DGKD: variants seen among roughly 807,000 people sequenced by gnomAD.
DGKD encodes DAG kinase delta.
In DGKD, 68 loss-of-function variants were observed where a neutral mutation model predicts 154.4. That is an observed-to-expected ratio of 0.44 (90% CI 0.36 to 0.54). The LOEUF (loss-of-function observed/expected upper bound fraction) is 0.54. Ranked by LOEUF, DGKD falls within the 20% of genes least tolerant of loss-of-function variation. DGKD has a pLI of 0.00. For missense variants in DGKD, 1,343 were observed against 1,593.6 expected (o/e 0.84, Z 2.68); for synonymous variants, 693 against 638.0 (o/e 1.09, Z -1.30).
At chr2:233,410,487 T>C (rs2061800647) in intron 3 of DGKD, among the ~76,000 whole-genome samples, 1 of 152,212 alleles carries the variant, frequency 6.6e-6, no homozygotes, top group Non-Finnish European at 1.5e-5. Flanking sequence ...CTTGGGGTGA[T>C]ATCTAATCAC....
rs1162984837 is a variant in DGKD at position 233,441,041 on chromosome 2, A to C, written c.1086-846A>C. Among the ~76,000 whole-genome samples, 1 of 152,052 alleles carries C rather than the reference A, an allele frequency of 6.6e-6. No homozygotes were observed. Among genetic ancestry groups the C allele is most frequent in the African/African-American group, 2.4e-5 (1 of 41,392 alleles). ...TGTTGGATGTGCCCTGGGATACCAGAGTGGTGTGTTCTGGAGGACAGGTGC... is the reference window on the plus strand; with the variant it reads ...TGTTGGATGTGCCCTGGGATACCAGCGTGGTGTGTTCTGGAGGACAGGTGC... On this transcript the variant is annotated intron_variant, in intron 9 of 29. Transcript: ENST00000264057. This position sits in a 1 kb window ranked among gnomAD's most constrained non-coding sequence, Gnocchi z 5.6.
At chr2:233,419,386 G>A in intron 3 of DGKD, 1 of 985,560 alleles carries the variant, frequency 1.0e-6, no homozygotes, top group Non-Finnish European at 1.2e-6. Context: ...TACACGTGGA[G>A]CAGCTGGAAA....
chr2:233,414,413 C>T (rs2125524067), intron 3 of DGKD, among the ~76,000 whole-genome samples: 1 of 152,332 alleles, frequency 6.6e-6, no homozygotes, highest in Admixed American at 6.5e-5. Flanking sequence ...CCTGTAGTCT[C>T]TCCTGTTAAG....
intron 3 of DGKD, among the ~76,000 whole-genome samples, chr2:233,427,148 A>G (rs1165439948): frequency 6.6e-6 from 1 of 151,962 alleles, no homozygotes; most frequent in Non-Finnish European, 1.5e-5. Context: ...CCTCTGTGAC[A>G]TCACGTTTCT....
chr2:233,361,765 G>A (rs527893877), intron 1 of DGKD, among the ~76,000 whole-genome samples: 1 of 152,288 alleles, frequency 6.6e-6, no homozygotes, highest in Admixed American at 6.5e-5. Context: ...GGCCAACATG[G>A]CAAGATCCCG....
At chr2:233,466,987 C>T in intron 27 of DGKD, 99 bp from the exon 28 acceptor site, 1 of 930,124 alleles carries the variant, frequency 1.1e-6, no homozygotes, top group South Asian at 1.4e-5. Context: ...TCCCGCTCAT[C>T]TCAGCCCTGC....
chr2:233,354,638 C>A lies in DGKD; in HGVS notation c.120C>A (p.Ile40=). The change falls in exon 1 of 30, where the codon ATC becomes ATA. Residue 40 remains isoleucine (I), a synonymous_variant. Transcript: ENST00000264057. The surrounding 1 kb of genome is among the most constrained non-coding windows in gnomAD (Gnocchi z 4.8). ...AGCCCGGCTCCCCACAGAAGCTCAT[C>A]CGCAAGGTGTCCACGTCGGGTCAGA... is the stretch of plus-strand genomic sequence containing the variant. ...EAEPGSPQKL[I]RKVSTSGQIR... 2 of 1,113,248 alleles carry A rather than the reference C, an allele frequency of 1.8e-6. No individual in the cohort carries two copies. The highest frequency in any genetic ancestry group is 2.1e-5 in the South Asian group (1 of 47,856). 69.0% of individuals were successfully genotyped at this position (1,113,248 alleles called of 1,614,324 possible). A position where few individuals can be genotyped will look rare whatever the true frequency, so the allele number is the denominator to read the frequency against.
intron 1 of DGKD, among the ~76,000 whole-genome samples, chr2:233,382,791 C>T (rs1702966530): frequency 6.6e-6 from 1 of 152,170 alleles, no homozygotes; most frequent in Non-Finnish European, 1.5e-5. Flanking sequence ...ATTTTACATG[C>T]AGAATAATAC....
At chr2:233,434,575 A>G in intron 4 of DGKD, 91 bp downstream of exon 4, 1 of 1,442,472 alleles carries the variant, frequency 6.9e-7, no homozygotes, top group Non-Finnish European at 9.7e-7. Context: ...GTGCGGACCC[A>G]CAGTCTGGAG....
chr2:233,411,316 T>C (rs1010902031), intron 3 of DGKD, among the ~76,000 whole-genome samples: 1 of 152,232 alleles, frequency 6.6e-6, no homozygotes, highest in Non-Finnish European at 1.5e-5. Flanking sequence ...CAGCAGTGTA[T>C]AGAGAGTTCC....
In DGKD at chr2:233,458,195, C is replaced by A; in HGVS notation, c.2581-89C>A. The A allele has an allele frequency of 1.3e-6, 1 of 783,846 alleles. No homozygotes were observed. The highest frequency in any genetic ancestry group is 2.1e-6 in the Non-Finnish European group (1 of 473,988). 48.6% of individuals were successfully genotyped at this position (783,846 alleles called of 1,614,324 possible). ...GTAACTTCTCGCCAGCTAGGAGGGGCTGACCCCCAGAGGGAGGGAGTGAGG... is the reference window on the plus strand; with the variant it reads ...GTAACTTCTCGCCAGCTAGGAGGGGATGACCCCCAGAGGGAGGGAGTGAGG... On this transcript the variant is annotated intron_variant, in intron 21 of 29. Transcript: ENST00000264057. The surrounding 1 kb of genome is among the most constrained non-coding windows in gnomAD (Gnocchi z 6.6).
intron 1 of DGKD, among the ~76,000 whole-genome samples, chr2:233,375,115 TC>T (rs1427017939): frequency 6.6e-6 from 1 of 151,888 alleles, no homozygotes; most frequent in Non-Finnish European, 1.5e-5. Flanking sequence ...CATGGTAAAA[TC>T]CTGTCTCTAC....
At chr2:233,442,211 T>A in intron 10 of DGKD, 2 of 674,264 alleles carry the variant, frequency 3.0e-6, no homozygotes, top group Admixed American at 2.0e-5. Context: ...CTGGCCATGA[T>A]GTATGAGGGG....
intron 16 of DGKD, among the ~76,000 whole-genome samples, chr2:233,450,414 G>A (rs1185858951): frequency 6.6e-6 from 1 of 152,114 alleles, no homozygotes; most frequent in Admixed American, 6.5e-5. Context: ...TGCCCTCACT[G>A]CTTCCTTGGA....
At chr2:233,436,570 G>C (rs1211348498) in intron 7 of DGKD, 129 bp downstream of exon 7, 2 of 1,349,768 alleles carry the variant, frequency 1.5e-6, no homozygotes, top group Non-Finnish European at 2.0e-6. Flanking sequence ...CCGGCTGAGA[G>C]TGGGTTTTTG....
chr2:233,442,608 T>G (rs41270759), intron 10 of DGKD: 3,448 of 170,860 alleles, frequency 0.02, 62 homozygotes, highest in Non-Finnish European at 0.034. Flanking sequence ...TGTTGTTGTT[T>G]TTGTTTTTGT....
At chr2:233,405,578 G>T (rs2061666390) in intron 3 of DGKD, among the ~76,000 whole-genome samples, 1 of 152,010 alleles carries the variant, frequency 6.6e-6, no homozygotes, top group Non-Finnish European at 1.5e-5. Context: ...TCTGCTCTGG[G>T]GATGGATTAA....
chr2:233,395,707 C>T (rs150022814), intron 3 of DGKD, among the ~76,000 whole-genome samples: 1,443 of 143,572 alleles, frequency 0.01, 26 homozygotes, highest in Middle Eastern at 0.015. Context: ...CTTACTCTGT[C>T]GCCCGGGCTG....
At chr2:233,359,406 G>A (rs573849871) in intron 1 of DGKD, among the ~76,000 whole-genome samples, 1 of 152,154 alleles carries the variant, frequency 6.6e-6, no homozygotes, top group Admixed American at 6.5e-5. Flanking sequence ...AATTAAATGG[G>A]ATAATTTGTG....
Sources: allele counts gnomAD v4.1 joint callset (sites outside exome capture counted in the v4.1 genomes callset), GRCh38; gene constraint gnomAD v4.1.1; non-coding constraint Gnocchi (gnomAD v3.1); transcripts MANE v1.5; gene names NCBI Gene and HGNC (gene_info 2026-07-23, HGNC 2026-07-21).